The following PRKX variants were observed in gnomAD, a reference collection of about 807,000 sequenced individuals.
PRKX encodes protein kinase cAMP-dependent X-linked catalytic subunit, also known as cAMP-dependent protein kinase catalytic subunit PRKX.
In PRKX, 12 loss-of-function variants were observed where a neutral mutation model predicts 22.0. That is an observed-to-expected ratio of 0.54 (90% CI 0.35 to 0.88). The LOEUF (loss-of-function observed/expected upper bound fraction) is 0.88. Ranked by LOEUF, PRKX falls within the 40% of genes least tolerant of loss-of-function variation. PRKX has a pLI of 0.01. For synonymous variants in PRKX, 134 were observed against 137.7 expected (o/e 0.97, Z 0.19); for missense variants, 217 against 308.0 (o/e 0.70, Z 2.21).
chrX:3,649,248 G>T (rs1291201117), intron 3 of PRKX, among the ~76,000 whole-genome samples: 1 of 110,294 alleles, frequency 9.1e-6, no homozygotes, highest in Non-Finnish European at 1.9e-5. Context: ...AACAATTCTG[G>T]TCTGAAGTAT....
chrX:3,697,862 T>C (rs931703253), intron 1 of PRKX, among the ~76,000 whole-genome samples: 2 of 112,004 alleles, frequency 1.8e-5, no homozygotes, highest in Non-Finnish European at 3.8e-5. Flanking sequence ...TGAATCACCA[T>C]GTTTTCTTTA....
intron 2 of PRKX, among the ~76,000 whole-genome samples, chrX:3,668,581 G>A (rs1255802469): frequency 1.8e-5 from 2 of 111,957 alleles, no homozygotes; most frequent in Non-Finnish European, 3.8e-5. Context: ...GTTCTGGCAT[G>A]AACTCCTCTC....
intron 8 of PRKX, among the ~76,000 whole-genome samples, chrX:3,609,898 C>CAAAGT (rs1464417522): frequency 1.8e-5 from 2 of 111,921 alleles, no homozygotes; most frequent in African/African-American, 6.5e-5. Flanking sequence ...TATTTTATTA[C>CAAAGT]AAAGTAAAAT....
chrX:3,612,483 T>G (rs1926318410), intron 7 of PRKX, among the ~76,000 whole-genome samples, 158 bp from the exon 8 acceptor site: 1 of 111,799 alleles, frequency 8.9e-6, no homozygotes, highest in African/African-American at 3.3e-5. Context: ...CGGCAATCTT[T>G]GAATTAAAAT....
rs1200554729 is a variant in PRKX, at chrX:3,606,052, A to G, written c.*2917T>C. On this transcript the variant is annotated 3_prime_UTR_variant, in exon 9 of 9. Transcript: ENST00000262848. ...GGCCGGTGGCATTTCCCTTCAGAAA[A>G]ACAAGACTTGCCCCAATACACTTCT... 8.9e-6 allele frequency: 1 copy of G among 112,374 alleles called. No homozygotes were observed. Among genetic ancestry groups the G allele is most frequent in the Admixed American group, 9.4e-5 (1 of 10,590 alleles). 9.3% of individuals were successfully genotyped at this position (112,374 alleles called of 1,213,427 possible).
chrX:3,620,795 T>G (rs1569041200), intron 6 of PRKX, among the ~76,000 whole-genome samples: 1 of 111,825 alleles, frequency 8.9e-6, no homozygotes, highest in Non-Finnish European at 1.9e-5. Context: ...GCAGGGTTTC[T>G]TTTTTTGAAC....
At chrX:3,640,685 T>TA (rs1239764255) in intron 4 of PRKX, among the ~76,000 whole-genome samples, 2 of 110,728 alleles carry the variant, frequency 1.8e-5, no homozygotes, top group Non-Finnish European at 3.8e-5. Flanking sequence ...AGGGGCCGGG[T>TA]AAAATGAGGC....
intron 1 of PRKX, among the ~76,000 whole-genome samples, chrX:3,698,408 C>T (rs1219353106): frequency 1.8e-5 from 2 of 109,305 alleles, no homozygotes; most frequent in African/African-American, 6.7e-5. Flanking sequence ...AACTCCTGGG[C>T]CTTGAAAGGT....
intron 6 of PRKX, among the ~76,000 whole-genome samples, chrX:3,619,950 C>T (rs1478960228): frequency 9.0e-6 from 1 of 111,392 alleles, no homozygotes; most frequent in African/African-American, 3.3e-5. Flanking sequence ...CTAGAAATGG[C>T]CAACAAAAAG....
intron 7 of PRKX, among the ~76,000 whole-genome samples, 163 bp downstream of exon 7, chrX:3,615,652 C>T (rs1406177145): frequency 1.8e-5 from 2 of 111,753 alleles, no homozygotes; most frequent in Non-Finnish European, 3.8e-5. Flanking sequence ...CTAAGACACT[C>T]AAAGAGTGGG....
chrX:3,659,410 A>G (rs1024068837), intron 2 of PRKX: 8 of 111,988 alleles, frequency 7.1e-5, no homozygotes, highest in African/African-American at 2.6e-4. Context: ...AGATTCTGCA[A>G]TGATGCTGGA....
chrX:3,659,717 G>GTTTT, intron 2 of PRKX, among the ~76,000 whole-genome samples: 1 of 28,040 alleles, frequency 3.6e-5, no homozygotes, highest in Non-Finnish European at 6.1e-5. Context: ...TGTTTTTTTT[G>GTTTT]TTTTTTTTTT....
chrX:3,708,729 T>C (rs1272620524), intron 1 of PRKX, among the ~76,000 whole-genome samples: 1 of 108,513 alleles, frequency 9.2e-6, no homozygotes, highest in African/African-American at 3.4e-5. Flanking sequence ...CCAGGCATGG[T>C]GGCACATGCC....
intron 6 of PRKX, among the ~76,000 whole-genome samples, chrX:3,619,923 T>G (rs1447348663): frequency 9.0e-6 from 1 of 111,533 alleles, no homozygotes; most frequent in Non-Finnish European, 1.9e-5. Flanking sequence ...TATAAGTCCC[T>G]CTGAGGTTGT....
At chrX:3,707,666 A>T (rs1186057641) in intron 1 of PRKX, among the ~76,000 whole-genome samples, 2 of 110,868 alleles carry the variant, frequency 1.8e-5, no homozygotes, top group African/African-American at 3.4e-5. Context: ...AACTTAAATT[A>T]AAAAAATAAA....
intron 3 of PRKX, among the ~76,000 whole-genome samples, chrX:3,645,462 C>G (rs746632058): frequency 5.4e-5 from 6 of 112,145 alleles, no homozygotes; most frequent in African/African-American, 1.9e-4. Context: ...TGTGCAAACA[C>G]GATCTTTGTA....
chrX:3,644,125 T>A (rs751853816), intron 3 of PRKX, among the ~76,000 whole-genome samples: 4 of 107,367 alleles, frequency 3.7e-5, no homozygotes, highest in African/African-American at 1.0e-4. Context: ...AGGTCAGGCA[T>A]GGTAGTTCAC....
intron 4 of PRKX, among the ~76,000 whole-genome samples, chrX:3,630,347 CA>C (rs77300400): frequency 0.26 from 28,155 of 110,398 alleles, 2,981 homozygotes; most frequent in Non-Finnish European, 0.32. Flanking sequence ...ATCACGAGGT[CA>C]AGGAGATCGA....
At chrX:3,617,614 C>G in intron 6 of PRKX, among the ~76,000 whole-genome samples, 1 of 110,020 alleles carries the variant, frequency 9.1e-6, no homozygotes, top group South Asian at 3.9e-4. Flanking sequence ...CCACTGCACT[C>G]CAGCCTGGAT....
Sources: allele counts gnomAD v4.1 joint callset (sites outside exome capture counted in the v4.1 genomes callset), GRCh38; gene constraint gnomAD v4.1.1; transcripts MANE v1.5; gene names NCBI Gene and HGNC (gene_info 2026-07-23, HGNC 2026-07-21).